The following CELF2 variants were observed in gnomAD, a reference collection of about 807,000 sequenced individuals.
CELF2 encodes CUG triplet repeat RNA-binding protein 2.
In CELF2, 8 loss-of-function variants were observed where a neutral mutation model predicts 62.6. The observed-to-expected ratio is 0.13, with a 90% CI of 0.07 to 0.23. The LOEUF (loss-of-function observed/expected upper bound fraction) is 0.23, where lower values mean the gene tolerates loss of function less well. Among genes scored for constraint, CELF2 ranks in the 10% least tolerant of loss-of-function variants. The pLI, the probability that CELF2 is intolerant of heterozygous loss-of-function variation, is 1.00. For missense variants in CELF2, 333 were observed against 671.0 expected (o/e 0.50, Z 5.56); for synonymous variants, 258 against 250.0 (o/e 1.03, Z -0.30).
intron 9 of CELF2, among the ~76,000 whole-genome samples, chr10:11,301,267 G>A (rs941709707): frequency 6.6e-6 from 1 of 151,908 alleles, no homozygotes; most frequent in Non-Finnish European, 1.5e-5. Context: ...TCCGCAGGCA[G>A]CCTCACCCCA....
At chr10:10,778,564 T>G in the CELF2 span, among the ~76,000 whole-genome samples, 2 of 152,208 alleles carry the variant, frequency 1.3e-5, no homozygotes, top group Admixed American at 6.5e-5. Flanking sequence ...GAACTGAGAT[T>G]TGTATTGCCC....
At chr10:10,494,799 T>C in the CELF2 span, among the ~76,000 whole-genome samples, 1 of 152,196 alleles carries the variant, frequency 6.6e-6, no homozygotes, top group Non-Finnish European at 1.5e-5. Context: ...CTCTGGGATT[T>C]GATGTCTCAG....
At chr10:10,470,296 A>T in the CELF2 span, among the ~76,000 whole-genome samples, 1 of 151,648 alleles carries the variant, frequency 6.6e-6, no homozygotes, top group Admixed American at 6.6e-5. Context: ...AAATGAGTTT[A>T]TTAGTTTTAC....
At chr10:11,131,013 A>G (rs888500425) in intron 1 of CELF2, among the ~76,000 whole-genome samples, 6 of 152,248 alleles carry the variant, frequency 3.9e-5, no homozygotes, top group African/African-American at 9.6e-5. Flanking sequence ...AACTGTTGTT[A>G]CATACGTTGT....
intron 1 of CELF2, among the ~76,000 whole-genome samples, chr10:10,913,913 C>G (rs114470563): frequency 1.4e-4 from 10 of 72,410 alleles, no homozygotes; most frequent in African/African-American, 4.1e-4. Context: ...GAGGGACGGA[C>G]GGGGCAGGGG....
intron 2 of CELF2, among the ~76,000 whole-genome samples, chr10:11,202,169 A>C (rs1018040649): frequency 2.6e-5 from 4 of 152,160 alleles, no homozygotes; most frequent in Non-Finnish European, 5.9e-5. Flanking sequence ...AACTACTTGG[A>C]ATTTATCATC....
chr10:10,960,377 T>C (rs2049358480), intron 2 of CELF2: 1 of 152,260 alleles, frequency 6.6e-6, no homozygotes, highest in Non-Finnish European at 1.5e-5. Context: ...TTCACATTTT[T>C]GGTCCAGTAC....
In CELF2 at chr10:10,982,716, G is replaced by A. The variant is rs568812193; in HGVS notation, c.89+62717G>A. On this transcript the variant is annotated intron_variant, in intron 2 of 13. Transcript: ENST00000636488. ...AAACTAGATTTGTTTTATGACCTAA[G>A]GCATATTCATTTGGGCAACATGAGT... Among the ~76,000 whole-genome samples the A allele has an allele frequency of 8.4e-4, 128 of 152,236 alleles. 1 individual carries two copies. The highest frequency in any genetic ancestry group is 3.0e-3 in the African/African-American group (123 of 41,534).
chr10:10,986,965 T>G (rs568490279), intron 2 of CELF2, among the ~76,000 whole-genome samples: 1 of 152,366 alleles, frequency 6.6e-6, no homozygotes, highest in South Asian at 2.1e-4. Context: ...ATGTGCAGTC[T>G]GCTGTACAAG....
chr10:10,476,403 A>G, the CELF2 span, among the ~76,000 whole-genome samples: 1 of 152,124 alleles, frequency 6.6e-6, no homozygotes, highest in Admixed American at 6.6e-5. Flanking sequence ...TACCAAGCTG[A>G]GAATGGTAAC....
At chr10:10,556,636 T>G in the CELF2 span, among the ~76,000 whole-genome samples, 3 of 152,126 alleles carry the variant, frequency 2.0e-5, no homozygotes, top group African/African-American at 4.8e-5. Flanking sequence ...TGAACTAGTT[T>G]ACAGTCCCAC....
rs575365888 is a variant in CELF2, at chr10:11,319,247, G to A, written c.1097-1942G>A. 17 of 382,754 alleles carry A rather than the reference G, an allele frequency of 4.4e-5. No homozygotes were observed. The highest frequency in any genetic ancestry group is 1.5e-4 in the East Asian group (2 of 13,686). 23.7% of individuals were successfully genotyped at this position (382,754 alleles called of 1,614,324 possible). ...GAGACCAACAGAATTTATCAGCAGCGTCCAGCCCTTCCCGAGTTATTGTAC... is the reference window on the plus strand; with the variant it reads ...GAGACCAACAGAATTTATCAGCAGCATCCAGCCCTTCCCGAGTTATTGTAC... On this transcript the variant is annotated intron_variant, in intron 10 of 12. Coordinates refer to ENST00000633077, the MANE Select transcript of CELF2 (RefSeq NM_001326342.2). This position sits in a 1 kb window ranked among gnomAD's most constrained non-coding sequence, Gnocchi z 4.4.
At chr10:10,919,192 C>T (rs1392936563) in intron 1 of CELF2, among the ~76,000 whole-genome samples, 1 of 151,948 alleles carries the variant, frequency 6.6e-6, no homozygotes, top group African/African-American at 2.4e-5. Context: ...ATCGCTGGAA[C>T]CCAGGAGGCA....
chr10:10,672,491 T>C, the CELF2 span, among the ~76,000 whole-genome samples: 1 of 81,522 alleles, frequency 1.2e-5, no homozygotes, highest in South Asian at 6.7e-4. Flanking sequence ...CTACATTCCT[T>C]TTTTTTTTTT....
At chr10:10,811,722 A>G (rs9424100) in intron 1 of CELF2, among the ~76,000 whole-genome samples, 39,213 of 152,040 alleles carry the variant, frequency 0.26, 5,293 homozygotes, top group East Asian at 0.35. Flanking sequence ...TCTGAGGCAG[A>G]CACTTTAAGG....
intron 1 of CELF2, among the ~76,000 whole-genome samples, chr10:11,024,313 TAAAG>T (rs2058783086): frequency 6.6e-6 from 1 of 152,140 alleles, no homozygotes; most frequent in Admixed American, 6.5e-5. Context: ...TCTCAGTAAT[TAAAG>T]AAGTCAGTCG....
chr10:10,663,644 G>C, the CELF2 span, among the ~76,000 whole-genome samples: 1 of 152,304 alleles, frequency 6.6e-6, no homozygotes, highest in South Asian at 2.1e-4. Flanking sequence ...AGGGTAAGAT[G>C]ATAAGAAATG....
intron 1 of CELF2, among the ~76,000 whole-genome samples, chr10:10,831,446 G>A (rs549911668): frequency 2.0e-5 from 3 of 152,364 alleles, no homozygotes; most frequent in South Asian, 2.1e-4. Context: ...CTAAAGAGGT[G>A]AGCCAATAAA....
chr10:10,643,877 C>G, the CELF2 span, among the ~76,000 whole-genome samples: 1 of 152,202 alleles, frequency 6.6e-6, no homozygotes. Context: ...GAACCTTTGA[C>G]ACAGTTACAG....
Sources: allele counts gnomAD v4.1 joint callset (sites outside exome capture counted in the v4.1 genomes callset), GRCh38; gene constraint gnomAD v4.1.1; non-coding constraint Gnocchi (gnomAD v3.1); transcripts MANE v1.5; gene names NCBI Gene and HGNC (gene_info 2026-07-23, HGNC 2026-07-21).